The following C16orf74 variants were observed in gnomAD, a reference collection of about 807,000 sequenced individuals.
C16orf74 encodes calcimembrin, also known as uncharacterized protein C16orf74.
A neutral mutation model predicts 6.5 loss-of-function variants in C16orf74; 10 were observed. The observed-to-expected ratio is 1.54, with a 90% CI of 0.95 to 2.61. The LOEUF is 2.61. Ranked by LOEUF, C16orf74 falls within the 30% of genes most tolerant of loss-of-function variation. C16orf74 has a pLI of 0.00. For synonymous variants in C16orf74, 60 were observed against 42.5 expected (o/e 1.41, Z -1.60); for missense variants, 141 against 105.9 (o/e 1.33, Z -1.45).
chr16:85,720,338 C>G (rs2054070031), intron 2 of C16orf74, among the ~76,000 whole-genome samples: 1 of 152,208 alleles, frequency 6.6e-6, no homozygotes, highest in African/African-American at 2.4e-5. Flanking sequence ...CATTCCTGCC[C>G]TGGGCACTGA....
chr16:85,736,538 T>C (rs562431032), intron 1 of C16orf74, among the ~76,000 whole-genome samples: 40 of 151,788 alleles, frequency 2.6e-4, no homozygotes, highest in Admixed American at 4.6e-4. Context: ...GGGTGGGAGA[T>C]ACCACCAAGA....
chr16:85,747,347 G>A (rs2054385544), intron 1 of C16orf74, among the ~76,000 whole-genome samples: 1 of 152,150 alleles, frequency 6.6e-6, no homozygotes, highest in Non-Finnish European at 1.5e-5. Context: ...AACTACTTGG[G>A]GGGCTGAGTT....
rs535031135 is a variant in C16orf74 at position 85,738,814 on chromosome 16, C to A, written c.-18-3579G>T. ...ACCATGGGCCCGGCACTGTTCAGAG[C>A]CCTTTATGTGTATTCATGGTTAGTG... On this transcript the variant is annotated intron_variant, in intron 1 of 3. Transcript: ENST00000284245. Among the ~76,000 whole-genome samples the A allele has an allele frequency of 5.9e-4, 90 of 152,212 alleles. 1 individual carries two copies. Among genetic ancestry groups the A allele is most frequent in the African/African-American group, 2.1e-3 (88 of 41,526 alleles).
At position 85,715,214 on chromosome 16, in the gene C16orf74, G is replaced by A. The variant is rs537446054; in HGVS notation, c.29-4907C>T. ...CTGCAATCTTGCACAGAAGCCCAGA[G>A]TGTGAAACAAATCAAAGGAAGTCAC... On this transcript the variant is annotated intron_variant, in intron 2 of 3. Coordinates refer to ENST00000284245, the MANE Select transcript of C16orf74 (RefSeq NM_206967.3). Among the ~76,000 whole-genome samples, 6 of 151,766 alleles carry A rather than the reference G, an allele frequency of 4.0e-5. No individual in the cohort carries two copies. In the East Asian group the frequency reaches 1.2e-3, roughly 30 times the overall value.
At chr16:85,717,245 G>A (rs936160777) in intron 2 of C16orf74, among the ~76,000 whole-genome samples, 8 of 152,204 alleles carry the variant, frequency 5.3e-5, no homozygotes, top group Non-Finnish European at 1.0e-4. Context: ...CCGGCTCTGG[G>A]CCCTCCTAGC....
intron 2 of C16orf74, among the ~76,000 whole-genome samples, chr16:85,722,609 CT>C (rs2054094013): frequency 1.3e-5 from 2 of 152,256 alleles, no homozygotes; most frequent in African/African-American, 4.8e-5. Flanking sequence ...CCAGGACTGC[CT>C]TGCTCTGCTC....
At chr16:85,731,129 C>G (rs59557286) in intron 2 of C16orf74, among the ~76,000 whole-genome samples, 1 of 152,176 alleles carries the variant, frequency 6.6e-6, no homozygotes, top group East Asian at 1.9e-4. Flanking sequence ...CTCTCCAGAA[C>G]CCAGCACTCA....
intron 3 of C16orf74, among the ~76,000 whole-genome samples, chr16:85,708,495 G>A (rs1017579527): frequency 1.7e-4 from 26 of 152,150 alleles, no homozygotes; most frequent in African/African-American, 4.1e-4. Flanking sequence ...TGCAGGAGGC[G>A]CACTGCAGCA....
In C16orf74 at chr16:85,710,282, G is replaced by A. The variant is rs375249399; in HGVS notation, c.54C>T (p.Ser18=). The A allele has an allele frequency of 2.0e-5, 30 of 1,510,308 alleles. No individual in the cohort carries two copies. The highest frequency in any genetic ancestry group is 1.7e-4 in the Middle Eastern group (1 of 5,872). 93.6% of individuals were successfully genotyped at this position (1,510,308 alleles called of 1,614,324 possible). ...CGGGGGCCTCGTCGTGGCTGCTGCT[G>A]CTGCTGCTGACACACATTTGAAAGC... The part of the protein sequence containing the change: ...LKGFQMCVSS[S]SSSHDEAPVL... Residue 18 remains serine (S), a synonymous_variant, in exon 3 of 4, where the codon AGC becomes AGT. Transcript: ENST00000284245.
intron 2 of C16orf74, among the ~76,000 whole-genome samples, chr16:85,722,579 C>T (rs1369854959): frequency 6.6e-6 from 1 of 152,246 alleles, no homozygotes; most frequent in African/African-American, 2.4e-5. Flanking sequence ...TCCTGGCTCC[C>T]GCTGAGTGGG....
intron 2 of C16orf74, among the ~76,000 whole-genome samples, chr16:85,715,039 C>A (rs2054009200): frequency 6.6e-6 from 1 of 151,732 alleles, no homozygotes; most frequent in Admixed American, 6.6e-5. Context: ...CGCCTGTAGT[C>A]CCAGCTACTC....
chr16:85,717,767 G>C (rs541262565), intron 2 of C16orf74, among the ~76,000 whole-genome samples: 15 of 152,350 alleles, frequency 9.8e-5, no homozygotes, highest in Admixed American at 7.8e-4. Flanking sequence ...TTTGGAGAAG[G>C]GAGGTAACGT....
rs1347304137 is a variant in C16orf74 at position 85,723,634 on chromosome 16, T to C, written c.28+11556A>G. On this transcript the variant is annotated intron_variant, in intron 2 of 3. Transcript: ENST00000284245. Reference sequence around the variant, plus strand: ...GTACACACCCTCCAACCATCTAGAATGTTCCACCCTAGGCCACCTTCTGAG... The same window carrying C: ...GTACACACCCTCCAACCATCTAGAACGTTCCACCCTAGGCCACCTTCTGAG... 3.3e-5 allele frequency among the ~76,000 whole-genome samples: 5 copies of C among 152,286 alleles called. No individual in the cohort carries two copies. The South Asian group carries it at 1.0e-3, about 32-fold the overall frequency.
intron 2 of C16orf74, chr16:85,710,612 G>A: frequency 2.8e-6 from 1 of 356,342 alleles, no homozygotes; most frequent in Non-Finnish European, 5.1e-6. Context: ...GCCAGCTGCA[G>A]CCTCATTCCC....
At chr16:85,740,723 G>A (rs536577880) in intron 1 of C16orf74, among the ~76,000 whole-genome samples, 42 of 149,602 alleles carry the variant, frequency 2.8e-4, no homozygotes, top group Admixed American at 7.4e-4. Context: ...AATTATCCGG[G>A]CTTGGTGGCG....
chr16:85,730,962 T>C (rs976130440), intron 2 of C16orf74, among the ~76,000 whole-genome samples: 3 of 152,224 alleles, frequency 2.0e-5, no homozygotes, highest in Admixed American at 1.3e-4. Flanking sequence ...GTTTGGAATA[T>C]ACTGAATTAA....
chr16:85,722,320 C>T lies in C16orf74; in HGVS notation c.29-12013G>A, dbSNP rs532326913. ...TTTGGAAGGAGTAGTATAAGCAGGC[C>T]GATTCCAGTTAGTACCAGAGAAAGG... On this transcript the variant is annotated intron_variant, in intron 2 of 3. Transcript: ENST00000284245. Among the ~76,000 whole-genome samples the T allele has an allele frequency of 9.2e-5, 14 of 152,282 alleles. 1 individual carries two copies. Among genetic ancestry groups the T allele is most frequent in the African/African-American group, 3.1e-4 (13 of 41,546 alleles).
intron 1 of C16orf74, chr16:85,743,589 G>A (rs2054334641): frequency 6.6e-6 from 1 of 152,180 alleles, no homozygotes; most frequent in South Asian, 2.1e-4. Flanking sequence ...GATTGTTTGA[G>A]TTTGTTACAA....
Position 85,735,253 on chromosome 16 carries a change from C to G in C16orf74, c.-18-18G>C, listed in dbSNP as rs371375931. On this transcript the variant is annotated intron_variant, in intron 1 of 3. Coordinates refer to ENST00000284245, the MANE Select transcript of C16orf74 (RefSeq NM_206967.3). ...CTGCAGGCCTGTGGAGAGAGGACAG[C>G]GCTGAGAGAGGGGAGGGCGCGACTT... 1 of 1,551,408 alleles carries G rather than the reference C, an allele frequency of 6.4e-7. No homozygotes were observed. Among genetic ancestry groups the G allele is most frequent in the African/African-American group, 1.4e-5 (1 of 71,350 alleles).
Sources: gnomAD v4.1 joint callset for allele counts (sites outside exome capture counted in the v4.1 genomes callset) on GRCh38, gnomAD v4.1.1 for gene constraint, MANE v1.5 for transcripts, NCBI Gene and HGNC (gene_info 2026-07-23, HGNC 2026-07-21) for gene names.